FER: variants seen among roughly 807,000 people sequenced by gnomAD.
The protein encoded by FER is tyrosine-protein kinase Fer.
FER carries 63 observed loss-of-function variants against 111.0 expected under a neutral mutation model. That is an observed-to-expected ratio of 0.57 (90% CI 0.46 to 0.70). The LOEUF is 0.70. Ranked by LOEUF, FER falls within the 30% of genes least tolerant of loss-of-function variation. FER has a pLI of 0.00. For missense variants in FER, 914 were observed against 954.0 expected, an observed-to-expected ratio of 0.96 and a Z score of 0.55; for synonymous variants, 327 against 313.9, an observed-to-expected ratio of 1.04 and a Z score of -0.44.
At position 109,187,832 on chromosome 5, in the gene FER, A is replaced by C. The variant is rs922311053; in HGVS notation, c.*257A>C. 1 of 478,194 alleles carries C rather than the reference A, an allele frequency of 2.1e-6. No homozygotes were observed. Among genetic ancestry groups the C allele is most frequent in the African/African-American group, 2.0e-5 (1 of 51,234 alleles). 29.6% of individuals were successfully genotyped at this position (478,194 alleles called of 1,614,324 possible). On this transcript the variant is annotated 3_prime_UTR_variant, in exon 20 of 20. Transcript: ENST00000281092. ...ACCATTTCAGGCCATTGCAAATAGA[A>C]AAGCACAGGCTTCTAAGTGTGTGAA...
At chr5:108,862,866 A>G (rs1763664042) in intron 5 of FER, among the ~76,000 whole-genome samples, 1 of 152,184 alleles carries the variant, frequency 6.6e-6, no homozygotes, top group African/African-American at 2.4e-5. Flanking sequence ...CTAAAAACCA[A>G]AAACCTTGAA....
chr5:109,067,909 T>G (rs915761412), intron 16 of FER, among the ~76,000 whole-genome samples: 3 of 152,144 alleles, frequency 2.0e-5, no homozygotes, highest in African/African-American at 7.2e-5. Context: ...TTTATAATAT[T>G]TTATATAAAA....
chr5:108,873,196 G>C (rs933937784), intron 8 of FER, among the ~76,000 whole-genome samples: 6 of 152,080 alleles, frequency 3.9e-5, no homozygotes, highest in African/African-American at 1.2e-4. Flanking sequence ...CCAGGCTGGA[G>C]TGCAGTGGTG....
chr5:108,763,571 G>C (rs1352591374), intron 1 of FER, among the ~76,000 whole-genome samples: 1 of 152,122 alleles, frequency 6.6e-6, no homozygotes, highest in Non-Finnish European at 1.5e-5. Flanking sequence ...GTATCTTTAG[G>C]TTTCTTACCC....
chr5:109,139,350 C>CTTGTTTTTTTT (rs1753267454), intron 17 of FER, among the ~76,000 whole-genome samples: 1 of 91,114 alleles, frequency 1.1e-5, no homozygotes, highest in African/African-American at 4.4e-5. Context: ...TTCTTTCTTT[C>CTTGTTTTTTTT]TTTTTTTTTT....
In FER at chr5:108,867,922, A is replaced by C; in HGVS notation, c.637A>C (p.Lys213Gln). 6.2e-7 allele frequency: 1 copy of C among 1,607,948 alleles called. No homozygotes were observed. Among genetic ancestry groups the C allele is most frequent in the Non-Finnish European group, 8.5e-7 (1 of 1,178,212 alleles). ...TCCCCTGCTTCTGGACTCCTTACAA[A>C]AGATGCAAGAAGAAATGATAAAAGC... Reference protein sequence around the residue: ...TLPLLLDSLQKMQEEMIKALK... With the variant: ...TLPLLLDSLQQMQEEMIKALK... Residue 213 changes from lysine to glutamine, a missense_variant, in exon 6 of 20, where the codon AAG becomes CAG. Coordinates refer to ENST00000281092, the MANE Select transcript of FER (RefSeq NM_005246.4).
chr5:109,010,148 CTCT>C (rs1450269264), intron 13 of FER, among the ~76,000 whole-genome samples: 1 of 151,848 alleles, frequency 6.6e-6, no homozygotes, highest in Non-Finnish European at 1.5e-5. Flanking sequence ...TCTTAGTTAT[CTCT>C]TCTTAGTTTT....
chr5:108,841,749 G>T, intron 5 of FER: 1 of 311,958 alleles, frequency 3.2e-6, no homozygotes, highest in Non-Finnish European at 6.2e-6. Flanking sequence ...AGGTGAGAGT[G>T]AGAGCCAAGT....
intron 17 of FER, among the ~76,000 whole-genome samples, chr5:109,179,176 T>G (rs1758017886): frequency 6.6e-6 from 1 of 152,096 alleles, no homozygotes; most frequent in South Asian, 2.1e-4. Flanking sequence ...GAAAAAGACA[T>G]AAGAGAAAAC....
At chr5:108,910,658 C>G (rs1200953810) in intron 10 of FER, among the ~76,000 whole-genome samples, 1 of 151,916 alleles carries the variant, frequency 6.6e-6, no homozygotes, top group East Asian at 1.9e-4. Flanking sequence ...TTAGGAGTCC[C>G]CAGTGTCTAT....
chr5:109,173,443 G>A (rs1757344267), intron 17 of FER, among the ~76,000 whole-genome samples: 1 of 152,230 alleles, frequency 6.6e-6, no homozygotes, highest in Non-Finnish European at 1.5e-5. Context: ...CTATTGAGAC[G>A]AAATAACCCG....
chr5:108,997,368 G>C (rs1251576380), intron 13 of FER, among the ~76,000 whole-genome samples: 1 of 148,604 alleles, frequency 6.7e-6, no homozygotes, highest in African/African-American at 2.5e-5. Flanking sequence ...CAGTGAGCGA[G>C]AGCATGCCAC....
At chr5:109,068,619 C>A (rs935661587) in intron 16 of FER, among the ~76,000 whole-genome samples, 5 of 152,138 alleles carry the variant, frequency 3.3e-5, no homozygotes, top group East Asian at 3.9e-4. Context: ...GGCTTTGGAA[C>A]CATATGTGGT....
At chr5:108,776,731 A>G (rs1753538389) in intron 2 of FER, among the ~76,000 whole-genome samples, 1 of 152,220 alleles carries the variant, frequency 6.6e-6, no homozygotes, top group Admixed American at 6.5e-5. Flanking sequence ...GGTTTTTTAA[A>G]AAAGTTTTAA....
chr5:109,169,888 A>G (rs1250580211), intron 17 of FER, among the ~76,000 whole-genome samples: 5 of 152,218 alleles, frequency 3.3e-5, no homozygotes, highest in Non-Finnish European at 7.3e-5. Flanking sequence ...AGTCAGTGGC[A>G]TCCCTTGTAC....
chr5:108,959,367 T>A lies in FER; in HGVS notation c.1656+20T>A. ...CCTAAGGTAGGTGCTTATATACTTT[T>A]TTGTCTGTTTGTTTTAAAAGAATTT... On this transcript the variant is annotated intron_variant, in intron 13 of 19. Transcript: ENST00000281092. 3 of 1,568,430 alleles carry A rather than the reference T, an allele frequency of 1.9e-6. No homozygotes were observed. Among genetic ancestry groups the A allele is most frequent in the Non-Finnish European group, 2.6e-6 (3 of 1,161,196 alleles).
At position 108,924,796 on chromosome 5, in the gene FER, A is replaced by G. The variant is rs866353517; in HGVS notation, c.1237-21334A>G. The G allele has an allele frequency of 5.1e-5, 63 of 1,231,812 alleles. No homozygotes were observed. The African/African-American group carries it at 9.5e-4, about 19-fold the overall frequency. 76.3% of individuals were successfully genotyped at this position (1,231,812 alleles called of 1,614,324 possible). A position where few individuals can be genotyped will look rare whatever the true frequency, so the allele number is the denominator to read the frequency against. On this transcript the variant is annotated intron_variant, in intron 10 of 19. Transcript: ENST00000281092. Reference sequence around the variant, plus strand: ...AGAAGTCCACAGAGATCAGGTAAGGAGAAGTTCTGCCACAGGCCTACTTTA... The same window carrying G: ...AGAAGTCCACAGAGATCAGGTAAGGGGAAGTTCTGCCACAGGCCTACTTTA...
At chr5:108,845,052 A>G (rs1206896542) in intron 5 of FER, among the ~76,000 whole-genome samples, 2 of 63,598 alleles carry the variant, frequency 3.1e-5, no homozygotes, top group Admixed American at 1.5e-4. Context: ...ATATATATAT[A>G]TATATATATA....
chr5:108,934,373 ACCATTTC>A (rs1397288205), intron 10 of FER, among the ~76,000 whole-genome samples: 1 of 152,168 alleles, frequency 6.6e-6, no homozygotes, highest in Non-Finnish European at 1.5e-5. Context: ...ATTGTTTAAG[ACCATTTC>A]ATTATATGAC....
Sources: gnomAD v4.1 joint callset for allele counts (sites outside exome capture counted in the v4.1 genomes callset) on GRCh38, gnomAD v4.1.1 for gene constraint, MANE v1.5 for transcripts, NCBI Gene and HGNC (gene_info 2026-07-23, HGNC 2026-07-21) for gene names.